SLC25A20: variants seen among roughly 807,000 people sequenced by gnomAD.
SLC25A20 encodes the protein mitochondrial carnitine/acylcarnitine carrier protein.
SLC25A20 carries 29 observed loss-of-function variants against 39.7 expected under a neutral mutation model. The observed-to-expected ratio is 0.73, with a 90% CI of 0.54 to 1.00. The LOEUF (loss-of-function observed/expected upper bound fraction) is 1.00, where lower values mean the gene tolerates loss of function less well. Ranked by LOEUF, SLC25A20 falls within the 50% of genes least tolerant of loss-of-function variation. The pLI is 0.00. For missense variants in SLC25A20, 333 were observed against 379.9 expected, an observed-to-expected ratio of 0.88 and a Z score of 1.03; for synonymous variants, 103 against 142.2, an observed-to-expected ratio of 0.72 and a Z score of 1.96.
intron 4 of SLC25A20, among the ~76,000 whole-genome samples, chr3:48,870,582 C>T (rs1343714043): frequency 1.6e-5 from 2 of 126,446 alleles, no homozygotes; most frequent in African/African-American, 6.0e-5. Context: ...TTTTTTGAGA[C>T]AGTATCTCGA....
chr3:48,888,946 T>C (rs972851852), intron 2 of SLC25A20, among the ~76,000 whole-genome samples: 1 of 151,924 alleles, frequency 6.6e-6, no homozygotes, highest in Admixed American at 6.6e-5. Context: ...TAGCCAGGCA[T>C]GGTGGTGCAT....
At chr3:48,878,745 A>G (rs937679728) in intron 4 of SLC25A20, among the ~76,000 whole-genome samples, 2 of 149,392 alleles carry the variant, frequency 1.3e-5, no homozygotes, top group Non-Finnish European at 3.0e-5. Context: ...GGTTGCAGTT[A>G]GCCAAGATCG....
At chr3:48,886,514 A>C (rs1390606882) in intron 2 of SLC25A20, among the ~76,000 whole-genome samples, 1 of 151,728 alleles carries the variant, frequency 6.6e-6, no homozygotes, top group African/African-American at 2.4e-5. Flanking sequence ...CAAGAGTAAA[A>C]CTCCGTCTCA....
intron 1 of SLC25A20, among the ~76,000 whole-genome samples, 156 bp downstream of exon 1, chr3:48,898,534 G>A (rs1476753610): frequency 1.3e-5 from 2 of 152,246 alleles, no homozygotes; most frequent in Admixed American, 6.5e-5. Context: ...GCAAGGTACA[G>A]CTTCCTGCCC....
chr3:48,876,948 T>G (rs1191286711), intron 4 of SLC25A20, among the ~76,000 whole-genome samples: 1 of 150,324 alleles, frequency 6.7e-6, no homozygotes, highest in Non-Finnish European at 1.5e-5. Context: ...ATACAAAAAT[T>G]AGCCAGGCGT....
chr3:48,875,878 C>T (rs1180968529), intron 4 of SLC25A20, among the ~76,000 whole-genome samples: 3 of 152,060 alleles, frequency 2.0e-5, no homozygotes, highest in East Asian at 3.9e-4. Flanking sequence ...ACTAGCAGGG[C>T]ATGGTGATGC....
chr3:48,892,852 C>G (rs2083886969), intron 1 of SLC25A20, among the ~76,000 whole-genome samples: 1 of 152,128 alleles, frequency 6.6e-6, no homozygotes, highest in Non-Finnish European at 1.5e-5. Flanking sequence ...TAAAATTAAC[C>G]ATCACAGGTA....
intron 1 of SLC25A20, among the ~76,000 whole-genome samples, chr3:48,894,997 ATATTTATTTTTATTTATT>A: frequency 6.8e-6 from 1 of 148,050 alleles, no homozygotes; most frequent in East Asian, 2.0e-4. Flanking sequence ...TTGCATTTGT[ATATTTATTTTTATTTATT>A]TATTTATTTT....
In SLC25A20 at chr3:48,879,404, G is replaced by A; in HGVS notation, c.371C>T (p.Thr124Ile). Reference protein sequence around the residue: ...FAAGMLSGVFTTGIMTPGERI... With the variant: ...FAAGMLSGVFITGIMTPGERI... ...TTCTCCAGGAGTCATGATTCCTGTG[G>A]TGAATACGCCAGATAACATCCCAGC... is the stretch of plus-strand genomic sequence containing the variant. The change falls in exon 4 of 9, where the codon ACC becomes ATC. Residue 124 changes from threonine to isoleucine, a missense_variant. By Grantham distance (89) the Thr-to-Ile change is moderately conservative. Coordinates refer to ENST00000319017, the MANE Select transcript of SLC25A20 (RefSeq NM_000387.6). 1 of 1,614,006 alleles carries A rather than the reference G, an allele frequency of 6.2e-7. No homozygotes were observed. Among genetic ancestry groups the A allele is most frequent in the Non-Finnish European group, 8.5e-7 (1 of 1,179,940 alleles).
intron 4 of SLC25A20, among the ~76,000 whole-genome samples, chr3:48,874,492 C>A (rs1357646532): frequency 6.6e-6 from 1 of 151,428 alleles, no homozygotes; most frequent in Admixed American, 6.6e-5. Context: ...ACTAGAGATA[C>A]AACTACAGTA....
rs540453284 is a variant in SLC25A20 at position 48,890,748 on chromosome 3, G to A, written c.198+1232C>T. Among the ~76,000 whole-genome samples, 453 of 148,394 alleles carry A rather than the reference G, an allele frequency of 3.1e-3. 5 individuals are homozygous for A. The highest frequency in any genetic ancestry group is 0.011 in the African/African-American group (432 of 40,322). ...CAGCTCACTGCAAGCTCCGCCTCCTGGGTTCACACCATTCTCCTGCCTCAG... is the reference window on the plus strand; with the variant it reads ...CAGCTCACTGCAAGCTCCGCCTCCTAGGTTCACACCATTCTCCTGCCTCAG... On this transcript the variant is annotated intron_variant, in intron 2 of 8. Transcript: ENST00000319017.
At chr3:48,885,599 T>C (rs2083824264) in intron 2 of SLC25A20, among the ~76,000 whole-genome samples, 2 of 151,868 alleles carry the variant, frequency 1.3e-5, no homozygotes, top group South Asian at 4.2e-4. Flanking sequence ...AGGTAGGAGA[T>C]CAAGACCATC....
At chr3:48,869,347 T>A (rs2083695352) in intron 4 of SLC25A20, among the ~76,000 whole-genome samples, 1 of 152,144 alleles carries the variant, frequency 6.6e-6, no homozygotes, top group South Asian at 2.1e-4. Flanking sequence ...ATTATGAACA[T>A]GCTTGAAAAA....
intron 4 of SLC25A20, among the ~76,000 whole-genome samples, chr3:48,878,060 A>G (rs978754969): frequency 4.6e-5 from 7 of 151,958 alleles, no homozygotes; most frequent in African/African-American, 1.4e-4. Context: ...TAAGAGATAG[A>G]GACCATCCTG....
chr3:48,898,211 G>A (rs2083923706), intron 1 of SLC25A20, among the ~76,000 whole-genome samples: 1 of 152,190 alleles, frequency 6.6e-6, no homozygotes, highest in South Asian at 2.1e-4. Context: ...GTATCTCCCC[G>A]GGCCGGGAAA....
At chr3:48,897,076 CTTTTT>C (rs11390016) in intron 1 of SLC25A20, among the ~76,000 whole-genome samples, 1 of 129,594 alleles carries the variant, frequency 7.7e-6, no homozygotes, top group Non-Finnish European at 1.6e-5. Flanking sequence ...TCTTCTTCTC[CTTTTT>C]TTTTTTTTTT....
chr3:48,873,299 C>T (rs2083730460), intron 4 of SLC25A20, among the ~76,000 whole-genome samples: 1 of 151,344 alleles, frequency 6.6e-6, no homozygotes, highest in African/African-American at 2.4e-5. Context: ...GCAGGTGGAT[C>T]GCTTGAGGCC....
intron 6 of SLC25A20, 141 bp downstream of exon 6, chr3:48,859,414 C>T (rs1264934449): frequency 5.8e-6 from 5 of 865,662 alleles, no homozygotes; most frequent in Admixed American, 1.7e-5. Flanking sequence ...GTAAGAAGAG[C>T]TAGCTGGACC....
At chr3:48,863,685 A>G (rs2083643424) in intron 4 of SLC25A20, among the ~76,000 whole-genome samples, 1 of 152,160 alleles carries the variant, frequency 6.6e-6, no homozygotes, top group African/African-American at 2.4e-5. Flanking sequence ...TACATAAACC[A>G]AATAGCTTTC....
Sources: gnomAD v4.1 joint callset for allele counts (sites outside exome capture counted in the v4.1 genomes callset) on GRCh38, gnomAD v4.1.1 for gene constraint, MANE v1.5 for transcripts, NCBI Gene and HGNC (gene_info 2026-07-23, HGNC 2026-07-21) for gene names.